SRGAP2: variants seen among roughly 807,000 people sequenced by gnomAD.
The protein encoded by SRGAP2 is SLIT-ROBO Rho GTPase activating protein 2, also known as SLIT-ROBO Rho GTPase-activating protein 2.
Under a neutral mutation model 57.2 loss-of-function variants are expected in SRGAP2, and 15 were observed. The ratio of observed to expected loss-of-function variants is 0.26; its 90% CI spans 0.18 to 0.40. The LOEUF (loss-of-function observed/expected upper bound fraction) is 0.40, where lower values mean the gene tolerates loss of function less well. Ranked by LOEUF, SRGAP2 falls within the 10% of genes least tolerant of loss-of-function variation. The pLI is 1.00. For synonymous variants in SRGAP2, 249 were observed against 248.0 expected (o/e 1.00, Z -0.04); for missense variants, 520 against 669.6 (o/e 0.78, Z 2.47).
intron 2 of SRGAP2, among the ~76,000 whole-genome samples, chr1:206,260,301 T>C (rs1396786733): frequency 7.0e-6 from 1 of 142,856 alleles, no homozygotes; most frequent in Non-Finnish European, 1.5e-5. Flanking sequence ...GTTTAAAGCC[T>C]GATTACCTAG....
chr1:206,346,796 A>C lies in SRGAP2; in HGVS notation c.423+3788A>C, dbSNP rs540152824. ...TTAATGATTCACTGCAAAAATTATGATAATAGAAGTCATTATATTTTGAAC... is the reference window on the plus strand; with the variant it reads ...TTAATGATTCACTGCAAAAATTATGCTAATAGAAGTCATTATATTTTGAAC... On this transcript the variant is annotated intron_variant, in intron 4 of 22. Transcript: ENST00000573034. Among the ~76,000 whole-genome samples, 126 of 152,370 alleles carry C rather than the reference A, an allele frequency of 8.3e-4. 2 individuals are homozygous for C. In the Middle Eastern group the frequency reaches 0.014, roughly 16 times the overall value.
At chr1:206,402,264 C>G (rs1553356025) in intron 8 of SRGAP2, among the ~76,000 whole-genome samples, 1 of 152,006 alleles carries the variant, frequency 6.6e-6, no homozygotes. Flanking sequence ...AAGATGCTAT[C>G]CCAAAGGCCT....
chr1:206,352,737 A>AT (rs1404014298), intron 4 of SRGAP2, among the ~76,000 whole-genome samples: 3 of 148,438 alleles, frequency 2.0e-5, no homozygotes, highest in Non-Finnish European at 4.4e-5. Context: ...TCTGGCCTCC[A>AT]TTATTTCTGA....
At chr1:206,333,284 C>T in intron 3 of SRGAP2, 2 of 1,169,930 alleles carry the variant, frequency 1.7e-6, no homozygotes. Flanking sequence ...CGGAGCTGTT[C>T]CTATTCGGCC....
At chr1:206,422,787 G>A (rs1426671020) in intron 13 of SRGAP2, among the ~76,000 whole-genome samples, 1 of 152,238 alleles carries the variant, frequency 6.6e-6, no homozygotes, top group East Asian at 1.9e-4. Context: ...CACATAAGCA[G>A]TTGCAGGCAA....
chr1:206,453,537 A>AC, intron 20 of SRGAP2, 157 bp downstream of exon 20: 1 of 272,892 alleles, frequency 3.7e-6, no homozygotes, highest in Non-Finnish European at 6.3e-6. Context: ...CACCCCCCCC[A>AC]CCCCCCGCCC....
chr1:206,401,143 G>C (rs1658110866), intron 7 of SRGAP2, among the ~76,000 whole-genome samples: 1 of 152,152 alleles, frequency 6.6e-6, no homozygotes, highest in Admixed American at 6.5e-5. Context: ...TTCTTCTCAT[G>C]TTTATGAAGT....
intron 14 of SRGAP2, among the ~76,000 whole-genome samples, chr1:206,430,561 G>A (rs1661202134): frequency 6.6e-6 from 1 of 152,142 alleles, no homozygotes. Flanking sequence ...TGCAAGTGTG[G>A]GTATCTCCCA....
In SRGAP2 at chr1:206,440,101, A is replaced by G; in HGVS notation, c.1874+20A>G. On this transcript the variant is annotated intron_variant, in intron 17 of 22. Transcript: ENST00000573034. ...CAATCAGTGAGTAGCCTTCCCAGTG[A>G]ACAGCTGGATCAGGCTTTGGCTTGG... The G allele has an allele frequency of 1.3e-6, 1 of 779,834 alleles. No homozygotes were observed. Among genetic ancestry groups the G allele is most frequent in the South Asian group, 1.3e-5 (1 of 74,370 alleles). The allele number at this position is 779,834 out of a possible 1,614,324, so 48.3% of individuals were successfully genotyped here. A position where few individuals can be genotyped will look rare whatever the true frequency, so the allele number is the denominator to read the frequency against.
Position 206,430,172 on chromosome 1 carries a change from A to C in SRGAP2, c.1505A>C (p.Gln502Pro), listed in dbSNP as rs2103288103. ...SSTVRKQDSS[Q>P]AIPLVVESCI... ...CCTTTGGCTTTTCAGGACTCCAGCC[A>C]GGCAATTCCTCTGGTGGTGGAAAGC... The change falls in exon 14 of 23, where the codon CAG becomes CCG. Residue 502 changes from glutamine (Q) to proline (P), a missense_variant. Coordinates refer to ENST00000573034, the MANE Select transcript of SRGAP2 (RefSeq NM_015326.5). 1 of 780,810 alleles carries C rather than the reference A, an allele frequency of 1.3e-6. No individual in the cohort carries two copies. Among genetic ancestry groups the C allele is most frequent in the East Asian group, 2.4e-5 (1 of 41,246 alleles). The allele number at this position is 780,810 out of a possible 1,614,324, so 48.4% of individuals were successfully genotyped here. A position where few individuals can be genotyped will look rare whatever the true frequency, so the allele number is the denominator to read the frequency against.
chr1:206,253,439 A>T (rs1328092981), intron 2 of SRGAP2, among the ~76,000 whole-genome samples: 7 of 151,404 alleles, frequency 4.6e-5, no homozygotes, highest in Admixed American at 3.3e-4. Context: ...CAGCAAGAAG[A>T]CCCTCACCAG....
intron 2 of SRGAP2, among the ~76,000 whole-genome samples, chr1:206,268,170 T>C (rs531327997): frequency 1.1e-3 from 162 of 151,710 alleles, no homozygotes; most frequent in Non-Finnish European, 1.8e-3. Context: ...TGTGCCATGT[T>C]GGTGTGCTGC....
intron 2 of SRGAP2, among the ~76,000 whole-genome samples, chr1:206,240,602 C>T (rs1173176821): frequency 6.6e-6 from 1 of 152,000 alleles, no homozygotes; most frequent in Non-Finnish European, 1.5e-5. Flanking sequence ...TGAAGTCATC[C>T]AGCACTCACA....
At chr1:206,229,963 CA>C (rs1667527743) in intron 2 of SRGAP2, among the ~76,000 whole-genome samples, 1 of 151,366 alleles carries the variant, frequency 6.6e-6, no homozygotes, top group East Asian at 1.9e-4. Flanking sequence ...CACACACACA[CA>C]CACCTTACCT....
intron 2 of SRGAP2, among the ~76,000 whole-genome samples, chr1:206,263,726 A>G (rs1275398840): frequency 6.6e-6 from 1 of 152,264 alleles, no homozygotes; most frequent in African/African-American, 2.4e-5. Flanking sequence ...AACAGTGAAC[A>G]ACACAGAAGT....
chr1:206,323,264 G>A (rs1408081676), intron 3 of SRGAP2, among the ~76,000 whole-genome samples: 4 of 151,952 alleles, frequency 2.6e-5, no homozygotes, highest in Non-Finnish European at 5.9e-5. Flanking sequence ...CCGGAATGGG[G>A]TCTTGACATT....
intron 10 of SRGAP2, among the ~76,000 whole-genome samples, chr1:206,413,711 A>C (rs542494746): frequency 6.6e-6 from 1 of 152,290 alleles, no homozygotes; most frequent in African/African-American, 2.4e-5. Context: ...GCGTGGTAGT[A>C]TCAGGGATGC....
At chr1:206,407,175 T>TC (rs1658750948) in intron 10 of SRGAP2, 1 of 63,646 alleles carries the variant, frequency 1.6e-5, no homozygotes, top group Non-Finnish European at 2.5e-5. Flanking sequence ...CTTTTTTTTT[T>TC]TTTTTTTAAG....
chr1:206,425,017 T>C (rs1333050354), intron 13 of SRGAP2, among the ~76,000 whole-genome samples: 1 of 152,222 alleles, frequency 6.6e-6, no homozygotes, highest in Non-Finnish European at 1.5e-5. Context: ...ATATTTTTCT[T>C]GCCCTGTTTC....
Sources: gnomAD v4.1 joint callset for allele counts (sites outside exome capture counted in the v4.1 genomes callset) on GRCh38, gnomAD v4.1.1 for gene constraint, MANE v1.5 for transcripts, NCBI Gene and HGNC (gene_info 2026-07-23, HGNC 2026-07-21) for gene names.